DOCK4: variants seen among roughly 807,000 people sequenced by gnomAD.
DOCK4 encodes the protein dedicator of cytokinesis protein 4.
Under a neutral mutation model 268.1 loss-of-function variants are expected in DOCK4, and 97 were observed. The ratio of observed to expected loss-of-function variants is 0.36; its 90% CI spans 0.31 to 0.43. DOCK4 has a LOEUF of 0.43. DOCK4 is among the 20% of genes least tolerant of loss of function. DOCK4 has a pLI of 1.00. For missense variants in DOCK4, 2,145 were observed against 2,455.7 expected, an observed-to-expected ratio of 0.87 and a Z score of 2.67; for synonymous variants, 954 against 887.2, an observed-to-expected ratio of 1.08 and a Z score of -1.34.
rs1373484360 is a variant in DOCK4 at position 111,727,269 on chromosome 7, ATTT to A, written c.*1002_*1004del. On this transcript the variant is annotated 3_prime_UTR_variant, in exon 53 of 53. Coordinates refer to ENST00000428084, the MANE Select transcript of DOCK4 (RefSeq NM_001363540.2). ...TGGTAAAAGTGGAGAGTCGTGAGGA[ATTT>A]TTTATTTTGTGCAGGACTGAAAGTT... is the stretch of plus-strand genomic sequence containing the variant. The A allele has an allele frequency of 1.3e-5, 2 of 152,722 alleles. No individual in the cohort carries two copies. The highest frequency in any genetic ancestry group is 1.9e-4 in the East Asian group (1 of 5,178). The allele number at this position is 152,722 out of a possible 1,614,324, so 9.5% of individuals were successfully genotyped here. A position where few individuals can be genotyped will look rare whatever the true frequency, so the allele number is the denominator to read the frequency against.
chr7:111,964,202 G>A (rs1275030664), intron 8 of DOCK4, among the ~76,000 whole-genome samples: 2 of 133,902 alleles, frequency 1.5e-5, no homozygotes, highest in Non-Finnish European at 3.1e-5. Context: ...AACAAAGCTG[G>A]ATGGAGAATG....
intron 36 of DOCK4, among the ~76,000 whole-genome samples, chr7:111,777,829 C>T (rs1368642908): frequency 6.6e-6 from 1 of 152,114 alleles, no homozygotes; most frequent in East Asian, 1.9e-4. Context: ...CTCTTGTCTG[C>T]CGCCATGTAA....
At chr7:111,836,791 A>G (rs1400762333) in intron 25 of DOCK4, among the ~76,000 whole-genome samples, 1 of 152,124 alleles carries the variant, frequency 6.6e-6, no homozygotes, top group Non-Finnish European at 1.5e-5. Flanking sequence ...AGAAAAGATT[A>G]TTGAACTTGA....
At chr7:112,143,868 A>G (rs1039665613) in intron 1 of DOCK4, among the ~76,000 whole-genome samples, 4 of 152,280 alleles carry the variant, frequency 2.6e-5, no homozygotes, top group Admixed American at 2.6e-4. Context: ...GGTCTCAATC[A>G]CAGCACTTGC....
In DOCK4 at chr7:112,137,550, C is replaced by T. The variant is rs186143589; in HGVS notation, c.37+68552G>A. Among the ~76,000 whole-genome samples, 185 of 152,324 alleles carry T rather than the reference C, an allele frequency of 1.2e-3. 1 individual carries two copies. The highest frequency in any genetic ancestry group is 2.1e-3 in the Non-Finnish European group (140 of 68,034). Reference sequence around the variant, plus strand: ...ATCAGAGGGAGGCTTACCATCAATTCTGCATTATAACTTTAATAGGCAGCA... The same window carrying T: ...ATCAGAGGGAGGCTTACCATCAATTTTGCATTATAACTTTAATAGGCAGCA... On this transcript the variant is annotated intron_variant, in intron 1 of 52. Transcript: ENST00000428084.
chr7:111,732,517 C>T, intron 51 of DOCK4: 1 of 573,540 alleles, frequency 1.7e-6, no homozygotes, highest in South Asian at 2.1e-5. Flanking sequence ...GTTATCATGG[C>T]ATATATGATG....
chr7:111,913,213 C>A (rs1249657335), intron 13 of DOCK4, among the ~76,000 whole-genome samples: 2 of 151,734 alleles, frequency 1.3e-5, no homozygotes, highest in Non-Finnish European at 2.9e-5. Flanking sequence ...GATCTACCCG[C>A]CTCAGCCTCA....
At chr7:112,014,932 A>C (rs1233085037) in intron 1 of DOCK4, among the ~76,000 whole-genome samples, 3 of 152,074 alleles carry the variant, frequency 2.0e-5, no homozygotes, top group Non-Finnish European at 2.9e-5. Context: ...AAGGAAGAAA[A>C]GAAAGGAAGA....
intron 16 of DOCK4, among the ~76,000 whole-genome samples, chr7:111,881,042 C>T (rs910355867): frequency 5.3e-5 from 8 of 152,038 alleles, no homozygotes; most frequent in Non-Finnish European, 1.0e-4. Flanking sequence ...AGCATCCCCA[C>T]GAGCAGAGGC....
At chr7:111,800,035 C>T (rs952695007) in intron 30 of DOCK4, among the ~76,000 whole-genome samples, 1 of 152,040 alleles carries the variant, frequency 6.6e-6, no homozygotes, top group Non-Finnish European at 1.5e-5. Context: ...GAAAGATTTA[C>T]TCAAGGTTGT....
chr7:111,877,177 T>C lies in DOCK4; in HGVS notation c.1597A>G (p.Asn533Asp), dbSNP rs771138154. 4 of 1,515,866 alleles carry C rather than the reference T, an allele frequency of 2.6e-6. No homozygotes were observed. Among genetic ancestry groups the C allele is most frequent in the Non-Finnish European group, 3.5e-6 (4 of 1,132,238 alleles). The allele number at this position is 1,515,866 out of a possible 1,614,324, so 93.9% of individuals were successfully genotyped here. The change falls in exon 17 of 53, where the codon AAC becomes GAC. Residue 533 changes from asparagine to aspartate, a missense_variant. Asn to Asp is a conservative substitution (Grantham distance 23, BLOSUM62 1). Coordinates refer to ENST00000428084, the MANE Select transcript of DOCK4 (RefSeq NM_001363540.2). ...CGGGTAGTATCCTGAAGATTTGTGT[T>C]TTCTTCACACTGTTAAAAATATTTA... ...HELIVHKCEE[N>D]TNLQDTTRYL...
At chr7:111,945,109 T>A (rs1795514388) in intron 9 of DOCK4, among the ~76,000 whole-genome samples, 1 of 152,248 alleles carries the variant, frequency 6.6e-6, no homozygotes, top group Non-Finnish European at 1.5e-5. Flanking sequence ...AATCTCTCAC[T>A]CATTCATTCT....
intron 36 of DOCK4, among the ~76,000 whole-genome samples, chr7:111,773,316 G>A (rs993383297): frequency 6.6e-6 from 1 of 152,124 alleles, no homozygotes. Context: ...AGATAGAAGA[G>A]AGAAGAATAA....
intron 8 of DOCK4, among the ~76,000 whole-genome samples, chr7:111,948,210 T>G (rs1197714087): frequency 6.6e-6 from 1 of 152,198 alleles, no homozygotes; most frequent in Non-Finnish European, 1.5e-5. Context: ...AGGAAATAGG[T>G]ACTATTATAA....
At chr7:111,893,106 G>A (rs753826773) in intron 16 of DOCK4, among the ~76,000 whole-genome samples, 7 of 152,114 alleles carry the variant, frequency 4.6e-5, no homozygotes, top group Non-Finnish European at 1.0e-4. Flanking sequence ...GTCAATCTTT[G>A]TGGAAGAGCT....
intron 36 of DOCK4, among the ~76,000 whole-genome samples, chr7:111,771,530 C>T (rs987115099): frequency 2.6e-5 from 4 of 152,170 alleles, no homozygotes; most frequent in Admixed American, 6.5e-5. Context: ...AGAGCTGAAT[C>T]ACCATAACAT....
chr7:111,940,054 G>A, intron 11 of DOCK4, 56 bp downstream of exon 11: 2 of 1,583,610 alleles, frequency 1.3e-6, no homozygotes. Context: ...CGCCCAAGTA[G>A]GACCCACATG....
chr7:111,853,035 A>C (rs917796730), intron 23 of DOCK4, among the ~76,000 whole-genome samples: 3 of 152,332 alleles, frequency 2.0e-5, no homozygotes, highest in Non-Finnish European at 4.4e-5. Flanking sequence ...TGAGTGTATA[A>C]GGAGTGACTC....
intron 1 of DOCK4, among the ~76,000 whole-genome samples, chr7:112,073,547 T>C (rs961860060): frequency 3.4e-4 from 52 of 152,238 alleles, no homozygotes; most frequent in African/African-American, 1.1e-3. Context: ...TCATTGTGTA[T>C]GTATACAAGG....
Sources: allele counts gnomAD v4.1 joint callset (sites outside exome capture counted in the v4.1 genomes callset), GRCh38; gene constraint gnomAD v4.1.1; transcripts MANE v1.5; gene names NCBI Gene and HGNC (gene_info 2026-07-23, HGNC 2026-07-21).